The following LAMC1 variants were observed in gnomAD, a reference collection of about 807,000 sequenced individuals.
LAMC1 encodes the protein laminin subunit gamma 1.
Under a neutral mutation model 173.6 loss-of-function variants are expected in LAMC1, and 38 were observed. The ratio of observed to expected loss-of-function variants is 0.22; its 90% CI spans 0.17 to 0.29. The LOEUF (loss-of-function observed/expected upper bound fraction) is 0.29, where lower values mean the gene tolerates loss of function less well. LAMC1 is among the 10% of genes least tolerant of loss of function. The pLI, the probability that LAMC1 is intolerant of heterozygous loss-of-function variation, is 1.00. For synonymous variants in LAMC1, 746 were observed against 749.1 expected (o/e 1.00, Z 0.07); for missense variants, 1,824 against 2,051.8 (o/e 0.89, Z 2.14).
At chr1:183,141,042 G>A (rs1657098748) in intron 27 of LAMC1, 1 of 152,238 alleles carries the variant, frequency 6.6e-6, no homozygotes, top group African/African-American at 2.4e-5. Context: ...TGGGTGTGAT[G>A]GCTCACACTG....
Position 183,124,886 on chromosome 1 carries a change from C to G in LAMC1, c.2647+10C>G. ...GCAGACAAATGCAAAGGTAATCAGC[C>G]TTTGATCAGATTCTGTCACAGCTAA... On this transcript the variant is annotated intron_variant, in intron 14 of 27. Coordinates refer to ENST00000258341, the MANE Select transcript of LAMC1 (RefSeq NM_002293.4). The G allele has an allele frequency of 1.2e-6, 2 of 1,612,382 alleles. No homozygotes were observed. Among genetic ancestry groups the G allele is most frequent in the Non-Finnish European group, 1.7e-6 (2 of 1,178,550 alleles).
chr1:183,040,119 G>A (rs149714078), intron 1 of LAMC1, among the ~76,000 whole-genome samples: 110 of 152,308 alleles, frequency 7.2e-4, no homozygotes, highest in Middle Eastern at 3.4e-3. Flanking sequence ...CTGATGCTCT[G>A]AGTCAGCAGC....
intron 9 of LAMC1, 38 bp downstream of exon 9, chr1:183,117,480 C>T: frequency 1.2e-6 from 2 of 1,610,542 alleles, no homozygotes; most frequent in Non-Finnish European, 1.7e-6. Flanking sequence ...CTGCTGTGTG[C>T]CTCTGTTTAG....
intron 1 of LAMC1, among the ~76,000 whole-genome samples, chr1:183,045,896 C>T (rs1228656097): frequency 6.6e-6 from 1 of 151,898 alleles, no homozygotes; most frequent in Non-Finnish European, 1.5e-5. Context: ...AGTATCTTTT[C>T]ATGTGTTTAT....
Position 183,126,270 on chromosome 1 carries a change from G to C in LAMC1, c.2944+8G>C, listed in dbSNP as rs1202824811. ...GACCTGAAGGCTGCAAACGTAAGGG[G>C]TGTTGGTGGCATACAACTCTAAGCT... On this transcript the variant is annotated splice_region_variant and intron_variant, in intron 16 of 27. Coordinates refer to ENST00000258341, the MANE Select transcript of LAMC1 (RefSeq NM_002293.4). 6.2e-7 allele frequency: 1 copy of C among 1,612,178 alleles called. No individual in the cohort carries two copies. The highest frequency in any genetic ancestry group is 8.5e-7 in the Non-Finnish European group (1 of 1,179,330).
intron 1 of LAMC1, among the ~76,000 whole-genome samples, chr1:183,055,677 T>C (rs1190318494): frequency 6.6e-6 from 1 of 152,072 alleles, no homozygotes; most frequent in Non-Finnish European, 1.5e-5. Flanking sequence ...ATGGGCATGG[T>C]GTCGTGCACC....
Position 183,145,063 on chromosome 1 carries a change from T to A in LAMC1, c.*2273T>A, listed in dbSNP as rs1657220908. The A allele has an allele frequency of 6.6e-6, 1 of 152,166 alleles. No individual in the cohort carries two copies. Among genetic ancestry groups the A allele is most frequent in the Non-Finnish European group, 1.5e-5 (1 of 68,032 alleles). The allele number at this position is 152,166 out of a possible 1,614,324, so 9.4% of individuals were successfully genotyped here. ...GTGGCTACATCCTAACATATGCATT[T>A]GGTCAAGGTTGCAGAAGAGGACTGA... is the stretch of plus-strand genomic sequence containing the variant. On this transcript the variant is annotated 3_prime_UTR_variant, in exon 28 of 28. Coordinates refer to ENST00000258341, the MANE Select transcript of LAMC1 (RefSeq NM_002293.4).
chr1:183,102,378 G>A (rs1655858618), intron 1 of LAMC1, among the ~76,000 whole-genome samples: 1 of 152,224 alleles, frequency 6.6e-6, no homozygotes, highest in Non-Finnish European at 1.5e-5. Context: ...GATGTATATA[G>A]CATAGAGCTG....
At chr1:183,101,133 T>A (rs1036685433) in intron 1 of LAMC1, among the ~76,000 whole-genome samples, 3 of 151,944 alleles carry the variant, frequency 2.0e-5, no homozygotes, top group Non-Finnish European at 2.9e-5. Context: ...TAAAGAACAA[T>A]GAGATATCAG....
At chr1:183,126,092 C>T (rs771683411) in intron 15 of LAMC1, 28 bp from the exon 16 acceptor site, 6 of 1,594,958 alleles carry the variant, frequency 3.8e-6, no homozygotes, top group Non-Finnish European at 5.1e-6. Context: ...TTTTTCTTGC[C>T]TGAGAAATGT....
chr1:183,117,372 G>A lies in LAMC1; in HGVS notation c.1617G>A (p.Glu539=). The change falls in exon 9 of 28, where the codon GAG becomes GAA. Residue 539 remains glutamate, a synonymous_variant. Coordinates refer to ENST00000258341, the MANE Select transcript of LAMC1 (RefSeq NM_002293.4). ...EQRDGSEASL[E]WSSERQDIAV... is the part of the protein sequence containing the mutation. Reference sequence around the variant, plus strand: ...GAGATGGCTCTGAAGCATCTCTCGAGTGGTCCTCTGAGAGGCAAGATATCG... The same window carrying A: ...GAGATGGCTCTGAAGCATCTCTCGAATGGTCCTCTGAGAGGCAAGATATCG... 6.2e-7 allele frequency: 1 copy of A among 1,613,752 alleles called. No individual in the cohort carries two copies. Among genetic ancestry groups the A allele is most frequent in the Non-Finnish European group, 8.5e-7 (1 of 1,179,670 alleles).
chr1:183,076,285 A>G (rs1472694161), intron 1 of LAMC1, among the ~76,000 whole-genome samples: 1 of 152,156 alleles, frequency 6.6e-6, no homozygotes. Context: ...CACACTTTAT[A>G]TTCATGCTTT....
At chr1:183,115,919 T>A (rs530484824) in intron 6 of LAMC1, among the ~76,000 whole-genome samples, 1 of 152,144 alleles carries the variant, frequency 6.6e-6, no homozygotes, top group East Asian at 1.9e-4. Flanking sequence ...GGTGGCTGGA[T>A]CACGAGGTCA....
intron 1 of LAMC1, among the ~76,000 whole-genome samples, chr1:183,051,517 A>G (rs184214342): frequency 2.6e-5 from 4 of 152,342 alleles, no homozygotes; most frequent in Admixed American, 2.6e-4. Context: ...TTGACTCTCA[A>G]AATCATGAGA....
rs556477095 is a variant in LAMC1 at position 183,131,087 on chromosome 1, C to T, written c.3487-212C>T. On this transcript the variant is annotated intron_variant, in intron 19 of 27. Coordinates refer to ENST00000258341, the MANE Select transcript of LAMC1 (RefSeq NM_002293.4). ...TACTTGGGAGGCTAAGGCAGGAGAACCACTTGAACCCAGGAAGCAGAGGTT... is the reference window on the plus strand; with the variant it reads ...TACTTGGGAGGCTAAGGCAGGAGAATCACTTGAACCCAGGAAGCAGAGGTT... Among the ~76,000 whole-genome samples, 6 of 150,834 alleles carry T rather than the reference C, an allele frequency of 4.0e-5. No individual in the cohort carries two copies. The South Asian group carries it at 1.3e-3, about 32-fold the overall frequency.
At chr1:183,119,305 C>T (rs1558054291) in intron 11 of LAMC1, among the ~76,000 whole-genome samples, 1 of 152,068 alleles carries the variant, frequency 6.6e-6, no homozygotes. Context: ...GGAGAGGCAT[C>T]TGCAGCTTAG....
chr1:183,142,243 T>TG (rs1657132990), intron 27 of LAMC1, among the ~76,000 whole-genome samples: 1 of 152,218 alleles, frequency 6.6e-6, no homozygotes, highest in Non-Finnish European at 1.5e-5. Context: ...GTCTAGAACA[T>TG]GGTAGCTGTG....
At chr1:183,087,953 A>G (rs1216547477) in intron 1 of LAMC1, among the ~76,000 whole-genome samples, 3 of 151,862 alleles carry the variant, frequency 2.0e-5, no homozygotes, top group Non-Finnish European at 4.4e-5. Flanking sequence ...AGCTGGGATT[A>G]CAGGCATGCC....
chr1:183,064,372 T>A (rs1049390061), intron 1 of LAMC1, among the ~76,000 whole-genome samples: 1 of 152,198 alleles, frequency 6.6e-6, no homozygotes, highest in Non-Finnish European at 1.5e-5. Flanking sequence ...GTATAGCATG[T>A]GACTGTATTG....
Sources: allele counts gnomAD v4.1 joint callset (sites outside exome capture counted in the v4.1 genomes callset), GRCh38; gene constraint gnomAD v4.1.1; transcripts MANE v1.5; gene names NCBI Gene and HGNC (gene_info 2026-07-23, HGNC 2026-07-21).